The following TENM2 variants were observed in gnomAD, a reference collection of about 807,000 sequenced individuals.
TENM2 encodes the protein teneurin transmembrane protein 2, also known as teneurin-2.
A neutral mutation model predicts 245.2 loss-of-function variants in TENM2; 52 were observed. The ratio of observed to expected loss-of-function variants is 0.21; its 90% CI spans 0.17 to 0.27. The LOEUF is 0.27. Ranked by LOEUF, TENM2 falls within the 10% of genes least tolerant of loss-of-function variation. TENM2 has a pLI of 1.00. For missense variants in TENM2, 3,046 were observed against 3,666.8 expected, an observed-to-expected ratio of 0.83 and a Z score of 4.37; for synonymous variants, 1,363 against 1,438.9, an observed-to-expected ratio of 0.95 and a Z score of 1.19.
chr5:167,048,131 G>A, the TENM2 span, among the ~76,000 whole-genome samples: 1 of 152,046 alleles, frequency 6.6e-6, no homozygotes, highest in Non-Finnish European at 1.5e-5. Flanking sequence ...TAATTATTTG[G>A]CTATGTTTCC....
chr5:167,593,366 T>C (rs1036247986), intron 2 of TENM2, among the ~76,000 whole-genome samples: 1 of 152,252 alleles, frequency 6.6e-6, no homozygotes, highest in African/African-American at 2.4e-5. Context: ...TTCCATGTTC[T>C]GCCCTCTTTT....
At chr5:167,588,383 A>G (rs1485209239) in intron 2 of TENM2, among the ~76,000 whole-genome samples, 2 of 152,180 alleles carry the variant, frequency 1.3e-5, no homozygotes, top group South Asian at 4.1e-4. Context: ...GGTATCACTT[A>G]TATTTCTACA....
intron 10 of TENM2, among the ~76,000 whole-genome samples, chr5:168,121,778 T>C (rs534619000): frequency 6.6e-6 from 1 of 152,254 alleles, no homozygotes; most frequent in East Asian, 1.9e-4. Context: ...AAATGGCTAA[T>C]TATAGGTTAA....
At chr5:167,403,801 A>T (rs1762491537) in intron 2 of TENM2, among the ~76,000 whole-genome samples, 1 of 152,116 alleles carries the variant, frequency 6.6e-6, no homozygotes, top group Admixed American at 6.6e-5. Flanking sequence ...TGCACCAGGG[A>T]ATAACACAGA....
chr5:167,942,411 G>T (rs1779256904), intron 3 of TENM2, among the ~76,000 whole-genome samples: 1 of 152,132 alleles, frequency 6.6e-6, no homozygotes. Context: ...GAACTTTGGT[G>T]GTCTAACTTC....
chr5:167,644,960 G>A (rs1410458509), intron 2 of TENM2, among the ~76,000 whole-genome samples: 2 of 152,176 alleles, frequency 1.3e-5, no homozygotes, highest in Non-Finnish European at 2.9e-5. Context: ...TAGGCTGTAT[G>A]GGATAGCCTA....
the TENM2 span, among the ~76,000 whole-genome samples, chr5:167,099,136 G>A: frequency 1.3e-5 from 2 of 152,060 alleles, no homozygotes; most frequent in Admixed American, 6.5e-5. Context: ...CAGCTCTACC[G>A]CTTACTAGCT....
intron 4 of TENM2, among the ~76,000 whole-genome samples, chr5:167,987,479 C>G (rs956765504): frequency 6.6e-6 from 1 of 152,092 alleles, no homozygotes; most frequent in African/African-American, 2.4e-5. Context: ...AGGTGCCCAC[C>G]ACCACACCTG....
intron 2 of TENM2, among the ~76,000 whole-genome samples, chr5:167,559,789 A>G (rs1270173558): frequency 1.3e-5 from 2 of 152,230 alleles, no homozygotes; most frequent in African/African-American, 2.4e-5. Flanking sequence ...TCATGAGAAT[A>G]TAATGTGTTT....
intron 2 of TENM2, among the ~76,000 whole-genome samples, chr5:167,567,856 T>A (rs1774009716): frequency 6.6e-6 from 1 of 152,120 alleles, no homozygotes; most frequent in Non-Finnish European, 1.5e-5. Flanking sequence ...TTTCACATAA[T>A]TTCCGAATGA....
chr5:167,499,960 G>A (rs72829390), intron 2 of TENM2, among the ~76,000 whole-genome samples: 5 of 142,328 alleles, frequency 3.5e-5, no homozygotes, highest in Admixed American at 2.2e-4. Context: ...GTGTATGTAC[G>A]TGTATGTGAG....
At chr5:167,788,363 A>G (rs145554702) in intron 2 of TENM2, among the ~76,000 whole-genome samples, 3 of 152,334 alleles carry the variant, frequency 2.0e-5, no homozygotes, top group African/African-American at 4.8e-5. Context: ...TTAAATTACA[A>G]AATTCCTTAA....
At chr5:167,905,517 G>A (rs556722204) in intron 3 of TENM2, among the ~76,000 whole-genome samples, 1 of 152,246 alleles carries the variant, frequency 6.6e-6, no homozygotes, top group East Asian at 1.9e-4. Context: ...TCCACAGGAG[G>A]GGGCTAGGGG....
At chr5:167,617,428 T>C (rs569589989) in intron 2 of TENM2, among the ~76,000 whole-genome samples, 69 of 152,300 alleles carry the variant, frequency 4.5e-4, no homozygotes, top group African/African-American at 1.6e-3. Flanking sequence ...TGCAACCTCT[T>C]GTGTATCTTA....
chr5:167,884,205 G>C (rs1008166588), intron 3 of TENM2, among the ~76,000 whole-genome samples: 2 of 152,204 alleles, frequency 1.3e-5, no homozygotes, highest in Non-Finnish European at 2.9e-5. Flanking sequence ...TTGGGTTTGA[G>C]AGTACTTGTT....
At chr5:167,039,584 G>C in the TENM2 span, among the ~76,000 whole-genome samples, 1 of 148,708 alleles carries the variant, frequency 6.7e-6, no homozygotes, top group African/African-American at 2.5e-5. Context: ...TTCCTTTCTG[G>C]TTGTGGTAGC....
At chr5:167,607,955 A>G (rs1439621305) in intron 2 of TENM2, among the ~76,000 whole-genome samples, 1 of 151,846 alleles carries the variant, frequency 6.6e-6, no homozygotes, top group Non-Finnish European at 1.5e-5. Context: ...TCTTTTACCC[A>G]GTTTTTTTTC....
At chr5:167,537,546 T>C (rs1236674587) in intron 2 of TENM2, among the ~76,000 whole-genome samples, 1 of 152,200 alleles carries the variant, frequency 6.6e-6, no homozygotes, top group Non-Finnish European at 1.5e-5. Flanking sequence ...ACCTAGTCTA[T>C]CAGGAAGAGT....
intron 2 of TENM2, among the ~76,000 whole-genome samples, chr5:167,847,948 C>T (rs777257627): frequency 6.6e-6 from 1 of 152,146 alleles, no homozygotes; most frequent in Non-Finnish European, 1.5e-5. Context: ...TACACTTACC[C>T]TTTAGATTTC....
Sources: allele counts gnomAD v4.1 joint callset (sites outside exome capture counted in the v4.1 genomes callset), GRCh38; gene constraint gnomAD v4.1.1; transcripts MANE v1.5; gene names NCBI Gene and HGNC (gene_info 2026-07-23, HGNC 2026-07-21).